The following CDH13 variants were observed in gnomAD, a reference collection of about 807,000 sequenced individuals.
CDH13 encodes the protein cadherin 13, also known as cadherin-13.
Under a neutral mutation model 63.8 loss-of-function variants are expected in CDH13, and 24 were observed. The observed-to-expected ratio is 0.38, with a 90% CI of 0.27 to 0.53. The LOEUF is 0.53. Ranked by LOEUF, CDH13 falls within the 20% of genes least tolerant of loss-of-function variation. The pLI is 0.85. For missense variants in CDH13, 1,049 were observed against 903.1 expected (o/e 1.16, Z -2.07); for synonymous variants, 503 against 355.3 (o/e 1.42, Z -4.67).
chr16:82,770,760 T>C (rs2035229526), intron 1 of CDH13, among the ~76,000 whole-genome samples: 1 of 152,180 alleles, frequency 6.6e-6, no homozygotes, highest in South Asian at 2.1e-4. Context: ...CAAGCTGGAG[T>C]GCAGTGGCGT....
chr16:83,799,293 C>G lies in CDH13; in HGVS notation c.*4263C>G, dbSNP rs1183973012. The G allele has an allele frequency of 1.8e-5, 2 of 111,848 alleles. No homozygotes were observed. Among genetic ancestry groups the G allele is most frequent in the African/African-American group, 3.7e-5 (1 of 27,370 alleles). The allele number at this position is 111,848 out of a possible 1,614,324, so 6.9% of individuals were successfully genotyped here. A position where few individuals can be genotyped will look rare whatever the true frequency, so the allele number is the denominator to read the frequency against. ...CTCCAGCCTGGGCAACAGAGCAAGACTCCGTCAAAAAAAAAAAAAAAAAAA... is the reference window on the plus strand; with the variant it reads ...CTCCAGCCTGGGCAACAGAGCAAGAGTCCGTCAAAAAAAAAAAAAAAAAAA... On this transcript the variant is annotated 3_prime_UTR_variant, in exon 14 of 14. Transcript: ENST00000567109.
At chr16:82,803,175 A>G (rs922577032) in intron 1 of CDH13, among the ~76,000 whole-genome samples, 1 of 152,146 alleles carries the variant, frequency 6.6e-6, no homozygotes, top group Non-Finnish European at 1.5e-5. Context: ...GGTCTAGGCT[A>G]CTCTCAGCTT....
intron 4 of CDH13, among the ~76,000 whole-genome samples, chr16:83,170,124 T>C (rs1402711480): frequency 6.6e-6 from 1 of 152,154 alleles, no homozygotes; most frequent in Non-Finnish European, 1.5e-5. Context: ...GACCATCTCA[T>C]ATATTAAATT....
intron 6 of CDH13, among the ~76,000 whole-genome samples, chr16:83,429,068 G>A (rs139441819): frequency 6.6e-6 from 1 of 152,244 alleles, no homozygotes; most frequent in Non-Finnish European, 1.5e-5. Flanking sequence ...AAAGAGGAAA[G>A]CCTTATCCTT....
chr16:83,349,201 A>T (rs1334799909), intron 6 of CDH13, among the ~76,000 whole-genome samples: 1 of 152,184 alleles, frequency 6.6e-6, no homozygotes, highest in East Asian at 1.9e-4. Context: ...AGCCACAGAC[A>T]TTGATTTATG....
intron 5 of CDH13, among the ~76,000 whole-genome samples, chr16:83,343,745 TA>T (rs1451141437): frequency 1.3e-4 from 20 of 152,334 alleles, no homozygotes; most frequent in African/African-American, 4.6e-4. Context: ...GCTTTAGAAA[TA>T]TTGTTTATAG....
chr16:83,551,596 C>T (rs1187557072), intron 7 of CDH13, among the ~76,000 whole-genome samples: 2 of 152,192 alleles, frequency 1.3e-5, no homozygotes, highest in Non-Finnish European at 2.9e-5. Flanking sequence ...AATCTTTGCT[C>T]ATGTATTCAC....
intron 10 of CDH13, among the ~76,000 whole-genome samples, chr16:83,713,501 C>G (rs1337985162): frequency 2.7e-5 from 4 of 148,388 alleles, no homozygotes; most frequent in Non-Finnish European, 6.0e-5. Flanking sequence ...CTCAACTTTT[C>G]TCGTCACCAA....
intron 10 of CDH13, among the ~76,000 whole-genome samples, chr16:83,747,482 A>G (rs998862184): frequency 6.6e-6 from 1 of 150,454 alleles, no homozygotes; most frequent in African/African-American, 2.5e-5. Flanking sequence ...GTCTATTAAA[A>G]CTCTTTCTTT....
At position 82,777,853 on chromosome 16, in the gene CDH13, C is replaced by T. The variant is rs79310132; in HGVS notation, c.46-80509C>T. On this transcript the variant is annotated intron_variant, in intron 1 of 13. Coordinates refer to ENST00000567109, the MANE Select transcript of CDH13 (RefSeq NM_001257.5). ...CCTTGCTGGCTATTGGATGGAAGAA[C>T]CCTTTAATTCCTTGCCTTTTGGACA... is the stretch of plus-strand genomic sequence containing the variant. Among the ~76,000 whole-genome samples the T allele has an allele frequency of 1.4e-4, 21 of 152,256 alleles. No homozygotes were observed. In the East Asian group the frequency reaches 4.1e-3, roughly 29 times the overall value.
intron 4 of CDH13, among the ~76,000 whole-genome samples, chr16:83,136,263 C>T (rs1207928927): frequency 6.6e-6 from 1 of 151,630 alleles, no homozygotes; most frequent in Non-Finnish European, 1.5e-5. Flanking sequence ...GCAGGCGGAT[C>T]ATGAGGTCAG....
At chr16:83,086,282 A>T (rs151083917) in intron 3 of CDH13, among the ~76,000 whole-genome samples, 6 of 152,346 alleles carry the variant, frequency 3.9e-5, no homozygotes, top group Middle Eastern at 6.8e-3. Context: ...AGCCTAGACA[A>T]TGTAGAGCGT....
At chr16:83,094,824 C>G (rs979511785) in intron 3 of CDH13, among the ~76,000 whole-genome samples, 7 of 152,196 alleles carry the variant, frequency 4.6e-5, no homozygotes, top group Non-Finnish European at 1.0e-4. Flanking sequence ...ATTTTTTCCT[C>G]TATGGTTATA....
rs567463334 is a variant in CDH13 at position 83,100,850 on chromosome 16, C to T, written c.367-24535C>T. Reference sequence around the variant, plus strand: ...AATTTCAGCCCTCAGCCACTTCCTGCAGGGACTTTTGTACAGCGTACAACC... The same window carrying T: ...AATTTCAGCCCTCAGCCACTTCCTGTAGGGACTTTTGTACAGCGTACAACC... On this transcript the variant is annotated intron_variant, in intron 3 of 13. Transcript: ENST00000567109. Among the ~76,000 whole-genome samples the T allele has an allele frequency of 2.6e-5, 4 of 152,286 alleles. No homozygotes were observed. In the East Asian group the frequency reaches 7.7e-4, roughly 29 times the overall value.
At chr16:82,829,855 C>T (rs2038447634) in intron 1 of CDH13, among the ~76,000 whole-genome samples, 1 of 152,186 alleles carries the variant, frequency 6.6e-6, no homozygotes, top group Non-Finnish European at 1.5e-5. Context: ...GTTTTCTCTG[C>T]TGAAGCTTTC....
At chr16:82,948,215 C>T (rs1278118681) in intron 2 of CDH13, among the ~76,000 whole-genome samples, 1 of 152,120 alleles carries the variant, frequency 6.6e-6, no homozygotes, top group African/African-American at 2.4e-5. Context: ...TGTATTTACT[C>T]CCCCAAATCT....
intron 7 of CDH13, among the ~76,000 whole-genome samples, chr16:83,551,092 C>CTATG (rs2075484878): frequency 6.6e-6 from 1 of 151,702 alleles, no homozygotes; most frequent in Non-Finnish European, 1.5e-5. Context: ...ATCTATCTAT[C>CTATG]TATCTTTGAG....
chr16:83,286,661 C>A (rs935704887), intron 5 of CDH13, among the ~76,000 whole-genome samples: 2 of 151,270 alleles, frequency 1.3e-5, no homozygotes, highest in Non-Finnish European at 2.9e-5. Flanking sequence ...GGGGCTGAGG[C>A]AGGAGAATTA....
intron 5 of CDH13, among the ~76,000 whole-genome samples, 174 bp downstream of exon 5, chr16:83,217,671 G>A (rs184404555): frequency 2.0e-5 from 3 of 152,100 alleles, no homozygotes. Flanking sequence ...GGGCAACAGT[G>A]GGGGGTCTTT....
Sources: allele counts gnomAD v4.1 joint callset (sites outside exome capture counted in the v4.1 genomes callset), GRCh38; gene constraint gnomAD v4.1.1; transcripts MANE v1.5; gene names NCBI Gene and HGNC (gene_info 2026-07-23, HGNC 2026-07-21).